RGS6: variants seen among roughly 807,000 people sequenced by gnomAD.
RGS6 encodes regulator of G protein signaling 6, also known as regulator of G-protein signaling 6.
Under a neutral mutation model 78.5 loss-of-function variants are expected in RGS6, and 30 were observed. That is an observed-to-expected ratio of 0.38 (90% CI 0.29 to 0.52). The LOEUF (loss-of-function observed/expected upper bound fraction) is 0.52. Among genes scored for constraint, RGS6 ranks in the 20% least tolerant of loss-of-function variants. The pLI is 0.85. For synonymous variants in RGS6, 206 were observed against 206.0 expected (o/e 1.00, Z 0.00); for missense variants, 495 against 609.7 (o/e 0.81, Z 1.98).
chr14:72,255,838 A>G (rs1489551601), intron 2 of RGS6, among the ~76,000 whole-genome samples: 1 of 152,244 alleles, frequency 6.6e-6, no homozygotes, highest in Non-Finnish European at 1.5e-5. Flanking sequence ...CACATTCTCT[A>G]GGGATTGAAC....
chr14:71,979,524 C>T (rs1235372622), intron 2 of RGS6, among the ~76,000 whole-genome samples: 1 of 151,982 alleles, frequency 6.6e-6, no homozygotes, highest in African/African-American at 2.4e-5. Context: ...GTTATGTACC[C>T]AGTAGTCATT....
In RGS6 at chr14:72,176,129, C is replaced by A. The variant is rs78026339; in HGVS notation, c.85-175966C>A. On this transcript the variant is annotated intron_variant, in intron 2 of 17. Coordinates refer to ENST00000553525, the MANE Select transcript of RGS6 (RefSeq NM_001204424.2). ...TCCCTGTGATTTTTCCAGTCCACCC[C>A]TTAGTTGAAGTAAGGCAAAATTTGT... 9.8e-3 allele frequency among the ~76,000 whole-genome samples: 1,494 copies of A among 152,296 alleles called. 23 individuals carry two copies. Among genetic ancestry groups the A allele is most frequent in the African/African-American group, 0.034 (1,408 of 41,558 alleles).
chr14:72,332,040 A>T (rs1404075015), intron 2 of RGS6, among the ~76,000 whole-genome samples: 1 of 152,158 alleles, frequency 6.6e-6, no homozygotes, highest in African/African-American at 2.4e-5. Context: ...TGGCCTGTGA[A>T]TTATTTAACC....
the RGS6 span, among the ~76,000 whole-genome samples, chr14:72,588,940 T>C: frequency 0.84 from 127,736 of 152,128 alleles, 53,800 homozygotes; most frequent in East Asian, 0.91. Flanking sequence ...GCTGCCAGCA[T>C]GCCCCCCCAA....
At chr14:72,556,532 G>A (rs1332152123) in intron 17 of RGS6, among the ~76,000 whole-genome samples, 2 of 152,144 alleles carry the variant, frequency 1.3e-5, no homozygotes, top group East Asian at 1.9e-4. Context: ...GAGCCTACTA[G>A]TGGTCCCAGT....
At chr14:72,488,908 G>A (rs964445296) in intron 12 of RGS6, among the ~76,000 whole-genome samples, 14 of 152,196 alleles carry the variant, frequency 9.2e-5, no homozygotes, top group Admixed American at 7.2e-4. Context: ...ACCCCAGCCT[G>A]TCTCATTGAA....
intron 2 of RGS6, among the ~76,000 whole-genome samples, chr14:71,999,247 T>C (rs2082932098): frequency 6.6e-6 from 1 of 152,190 alleles, no homozygotes; most frequent in Non-Finnish European, 1.5e-5. Flanking sequence ...GTCCTGGTTA[T>C]TTAGTTTTCA....
intron 12 of RGS6, among the ~76,000 whole-genome samples, chr14:72,484,053 T>C (rs1414026977): frequency 6.6e-6 from 1 of 152,218 alleles, no homozygotes; most frequent in African/African-American, 2.4e-5. Flanking sequence ...TGCTTCTCAT[T>C]TTCCTTTCTA....
At chr14:72,063,918 G>A (rs1046081056) in intron 2 of RGS6, among the ~76,000 whole-genome samples, 3 of 152,070 alleles carry the variant, frequency 2.0e-5, no homozygotes, top group Non-Finnish European at 4.4e-5. Flanking sequence ...CCAAGAAAGT[G>A]TAATAAGATT....
chr14:72,471,629 G>A (rs1598000016), intron 8 of RGS6, among the ~76,000 whole-genome samples: 1 of 152,208 alleles, frequency 6.6e-6, no homozygotes, highest in East Asian at 1.9e-4. Flanking sequence ...GAGGCCATCT[G>A]GTCCAGTGGC....
chr14:72,407,315 G>A (rs907534559), intron 3 of RGS6, among the ~76,000 whole-genome samples: 5 of 152,188 alleles, frequency 3.3e-5, no homozygotes, highest in Admixed American at 6.5e-5. Flanking sequence ...TAGGCTTGTC[G>A]TTTGGAGAAC....
chr14:72,539,281 C>G (rs2097290054), intron 16 of RGS6, among the ~76,000 whole-genome samples: 1 of 152,212 alleles, frequency 6.6e-6, no homozygotes, highest in African/African-American at 2.4e-5. Flanking sequence ...TGAGCTTCCT[C>G]TAGCCTGTCG....
chr14:72,445,630 C>T (rs2095344992), intron 3 of RGS6, among the ~76,000 whole-genome samples: 1 of 152,116 alleles, frequency 6.6e-6, no homozygotes, highest in Admixed American at 6.5e-5. Context: ...AAATTTAAAA[C>T]ATACTGAATA....
intron 1 of RGS6, among the ~76,000 whole-genome samples, chr14:71,957,187 T>C (rs2092852825): frequency 1.3e-5 from 2 of 152,088 alleles, no homozygotes; most frequent in Admixed American, 1.3e-4. Flanking sequence ...GGTGAAGGTG[T>C]TAGGGAAGCA....
chr14:72,166,110 AC>A (rs1567358100), intron 2 of RGS6, among the ~76,000 whole-genome samples: 11 of 151,344 alleles, frequency 7.3e-5, no homozygotes, highest in Admixed American at 2.0e-4. Flanking sequence ...ACACACACAC[AC>A]ACACACACAC....
intron 2 of RGS6, among the ~76,000 whole-genome samples, chr14:72,142,213 T>G (rs1055688835): frequency 2.0e-5 from 3 of 152,108 alleles, no homozygotes; most frequent in Admixed American, 2.0e-4. Context: ...ACTGGTTGGA[T>G]AGCACTGTAA....
chr14:72,083,799 T>G (rs558630468), intron 2 of RGS6, among the ~76,000 whole-genome samples: 2 of 152,354 alleles, frequency 1.3e-5, no homozygotes, highest in East Asian at 3.9e-4. Flanking sequence ...GTTGCTTGAC[T>G]GGCAGCCAAA....
At chr14:72,512,440 C>T (rs1401023890) in intron 14 of RGS6, among the ~76,000 whole-genome samples, 1 of 152,222 alleles carries the variant, frequency 6.6e-6, no homozygotes, top group Non-Finnish European at 1.5e-5. Flanking sequence ...GTGTTCAGTG[C>T]TTCTTCCTGC....
chr14:72,541,647 T>G (rs964258648), intron 17 of RGS6: 4 of 1,533,518 alleles, frequency 2.6e-6, no homozygotes, highest in African/African-American at 1.4e-5. Context: ...TCTCTCTGTT[T>G]GTCTCTTTTG....
Sources: allele counts gnomAD v4.1 joint callset (sites outside exome capture counted in the v4.1 genomes callset), GRCh38; gene constraint gnomAD v4.1.1; transcripts MANE v1.5; gene names NCBI Gene and HGNC (gene_info 2026-07-23, HGNC 2026-07-21).